CIMIP4: variants seen among roughly 807,000 people sequenced by gnomAD.
CIMIP4 encodes protein EAN57.
the CIMIP4 span, chr22:36,991,529 A>C: frequency 2.5e-6 from 4 of 1,614,106 alleles, no homozygotes; most frequent in East Asian, 2.2e-5. Flanking sequence ...TCCCTCACTG[A>C]TTTCTCAATG....
At chr22:36,999,980 T>A in the CIMIP4 span, 1 of 1,611,082 alleles carries the variant, frequency 6.2e-7, no homozygotes, top group Non-Finnish European at 8.5e-7. Context: ...AATAGCCTTT[T>A]GAGCCTGAGC....
At chr22:36,995,797 G>A in the CIMIP4 span, among the ~76,000 whole-genome samples, 1 of 152,270 alleles carries the variant, frequency 6.6e-6, no homozygotes, top group East Asian at 1.9e-4. Flanking sequence ...GGCCTCCCCA[G>A]CTACATGGAA....
the CIMIP4 span, chr22:37,002,369 G>T: frequency 1.1e-6 from 1 of 924,966 alleles, no homozygotes. Context: ...AGAAAGTAGA[G>T]GGTGGGGAGG....
chr22:37,000,938 C>T, the CIMIP4 span, among the ~76,000 whole-genome samples: 1 of 152,066 alleles, frequency 6.6e-6, no homozygotes, highest in Non-Finnish European at 1.5e-5. Flanking sequence ...GAAGCCTGAC[C>T]CCCAGCTTTT....
chr22:37,005,737 T>G, the CIMIP4 span, among the ~76,000 whole-genome samples: 2 of 152,200 alleles, frequency 1.3e-5, no homozygotes, highest in African/African-American at 4.8e-5. Flanking sequence ...GCTAAAGAGT[T>G]CCAAAGAAAA....
the CIMIP4 span, among the ~76,000 whole-genome samples, chr22:37,006,148 C>T: frequency 2.0e-5 from 3 of 152,146 alleles, no homozygotes; most frequent in African/African-American, 4.8e-5. Context: ...GAGTGAACCC[C>T]TGTAAGTTTT....
chr22:37,001,876 A>G, the CIMIP4 span: 2 of 1,608,832 alleles, frequency 1.2e-6, no homozygotes, highest in Non-Finnish European at 1.7e-6. Flanking sequence ...CATTGCTCCC[A>G]AACTTGTGGC....
chr22:37,001,841 TC>T, the CIMIP4 span: 1 of 1,579,188 alleles, frequency 6.3e-7, no homozygotes, highest in African/African-American at 1.3e-5. Flanking sequence ...TGACACCTGC[TC>T]CTCGGAGACC....
chr22:37,004,512 G>T, the CIMIP4 span, among the ~76,000 whole-genome samples: 1 of 152,090 alleles, frequency 6.6e-6, no homozygotes, highest in African/African-American at 2.4e-5. Flanking sequence ...CTGAATGGTC[G>T]TTCGTGCTCA....
At chr22:37,003,886 G>A in the CIMIP4 span, 9 of 1,438,612 alleles carry the variant, frequency 6.3e-6, no homozygotes, top group African/African-American at 1.3e-4. Context: ...GAGGAGAAAG[G>A]GCCGGTGCCC....
chr22:37,000,192 TG>T, the CIMIP4 span, among the ~76,000 whole-genome samples: 20 of 151,796 alleles, frequency 1.3e-4, no homozygotes, highest in Middle Eastern at 0.017. Flanking sequence ...CTGCTGTGGG[TG>T]GGGGGCATCA....
chr22:37,002,033 G>C, the CIMIP4 span: 1 of 1,611,720 alleles, frequency 6.2e-7, no homozygotes, highest in Non-Finnish European at 8.5e-7. Context: ...GGAGGATCGA[G>C]AGCCCGCATT....
At chr22:37,005,152 C>T in the CIMIP4 span, among the ~76,000 whole-genome samples, 1 of 152,184 alleles carries the variant, frequency 6.6e-6, no homozygotes, top group East Asian at 1.9e-4. Context: ...GCCCTGAGTC[C>T]AACAGTCTTT....
the CIMIP4 span, chr22:37,002,233 C>A: frequency 1.8e-4 from 263 of 1,456,074 alleles, 3 homozygotes; most frequent in South Asian, 3.4e-3. Context: ...AACTGTAGGC[C>A]GCTTTCCAGG....
the CIMIP4 span, chr22:37,002,213 G>C: frequency 6.8e-7 from 1 of 1,474,846 alleles, no homozygotes; most frequent in Non-Finnish European, 9.0e-7. Context: ...GAACTTGGAG[G>C]TGTCCAAGGA....
At chr22:37,006,219 G>A in the CIMIP4 span, among the ~76,000 whole-genome samples, 4 of 152,096 alleles carry the variant, frequency 2.6e-5, no homozygotes, top group Admixed American at 1.3e-4. Flanking sequence ...GATAGAGACA[G>A]TACAAAATGA....
the CIMIP4 span, chr22:37,000,130 G>A: frequency 9.5e-7 from 1 of 1,057,592 alleles, no homozygotes; most frequent in Non-Finnish European, 1.3e-6. Context: ...TCACAGGGCT[G>A]GGGAGCTGGG....
At chr22:37,003,606 G>A in the CIMIP4 span, among the ~76,000 whole-genome samples, 5 of 152,168 alleles carry the variant, frequency 3.3e-5, no homozygotes, top group South Asian at 4.1e-4. Flanking sequence ...CTTGGCTCAC[G>A]TGTAACCCCA....
chr22:36,996,041 G>A, the CIMIP4 span, among the ~76,000 whole-genome samples: 2 of 152,152 alleles, frequency 1.3e-5, no homozygotes, highest in African/African-American at 4.8e-5. Context: ...TCTAGCCTCT[G>A]ACTGGCAGGG....
Sources: gnomAD v4.1 joint callset for allele counts (sites outside exome capture counted in the v4.1 genomes callset) on GRCh38, gnomAD v4.1.1 for gene constraint, MANE v1.5 for transcripts, NCBI Gene and HGNC (gene_info 2026-07-23, HGNC 2026-07-21) for gene names.